ECE1: variants seen among roughly 807,000 people sequenced by gnomAD.
ECE1 encodes endothelin converting enzyme 1, also known as endothelin-converting enzyme 1.
ECE1 carries 35 observed loss-of-function variants against 98.6 expected under a neutral mutation model. The ratio of observed to expected loss-of-function variants is 0.35; its 90% CI spans 0.27 to 0.47. The LOEUF (loss-of-function observed/expected upper bound fraction) is 0.47. ECE1 is among the 20% of genes least tolerant of loss of function. ECE1 has a pLI of 1.00. For synonymous variants in ECE1, 394 were observed against 407.1 expected (o/e 0.97, Z 0.39); for missense variants, 814 against 1,025.3 (o/e 0.79, Z 2.81).
At chr1:21,270,360 A>G (rs1001245345) in intron 4 of ECE1, among the ~76,000 whole-genome samples, 4 of 152,238 alleles carry the variant, frequency 2.6e-5, no homozygotes, top group Non-Finnish European at 4.4e-5. Flanking sequence ...TCAGGCCCTC[A>G]GGCTCTGCGC....
chr1:21,230,245 T>C (rs1234946358), intron 14 of ECE1, among the ~76,000 whole-genome samples: 1 of 152,124 alleles, frequency 6.6e-6, no homozygotes, highest in South Asian at 2.1e-4. Context: ...GATTCCATAG[T>C]GCAATTAACC....
rs869310919 is a variant in ECE1 at position 21,283,276 on chromosome 1, A to AT, written c.139-3945dup. Among the ~76,000 whole-genome samples, 803 of 118,378 alleles carry AT rather than the reference A, an allele frequency of 6.8e-3. 11 individuals carry two copies. The highest frequency in any genetic ancestry group is 0.021 in the African/African-American group (738 of 34,446). 77.7% of individuals were successfully genotyped at this position (118,378 alleles called of 152,430 possible). A position where few individuals can be genotyped will look rare whatever the true frequency, so the allele number is the denominator to read the frequency against. Reference sequence around the variant, plus strand: ...ATTCCTTTTTTTGAATTTTTTTTAAATTTTTTTTTTTTGAGACAGAGTCTC... The same window carrying AT: ...ATTCCTTTTTTTGAATTTTTTTTAAATTTTTTTTTTTTTGAGACAGAGTCTC... On this transcript the variant is annotated intron_variant, in intron 2 of 18. Coordinates refer to ENST00000374893, the MANE Select transcript of ECE1 (RefSeq NM_001397.3).
intron 1 of ECE1, among the ~76,000 whole-genome samples, chr1:21,318,052 G>A (rs1363015590): frequency 2.6e-5 from 4 of 152,254 alleles, no homozygotes; most frequent in Admixed American, 6.5e-5. Flanking sequence ...CGGCATGGAC[G>A]AGGTCCCCTC....
chr1:21,303,479 C>T (rs558317166), intron 1 of ECE1, among the ~76,000 whole-genome samples: 1 of 152,354 alleles, frequency 6.6e-6, no homozygotes, highest in African/African-American at 2.4e-5. Flanking sequence ...ACAAGGATTA[C>T]ATGACTTACT....
intron 3 of ECE1, among the ~76,000 whole-genome samples, chr1:21,276,334 T>A (rs1259173948): frequency 6.6e-6 from 1 of 152,098 alleles, no homozygotes; most frequent in Non-Finnish European, 1.5e-5. Context: ...CCTCAATACG[T>A]GTTTTTGAAT....
At chr1:21,336,346 A>G (rs147265140) in intron 1 of ECE1, among the ~76,000 whole-genome samples, 175 of 152,060 alleles carry the variant, frequency 1.2e-3, no homozygotes, top group African/African-American at 4.0e-3. Context: ...ATGCCACTGT[A>G]CTCCAGCCTG....
At chr1:21,286,035 G>C (rs1163225003) in intron 2 of ECE1, among the ~76,000 whole-genome samples, 6 of 151,240 alleles carry the variant, frequency 4.0e-5, no homozygotes, top group Admixed American at 4.0e-4. Context: ...CCTGTGCAAG[G>C]TGGGAAAAAA....
In ECE1 at chr1:21,298,914, AC is replaced by A. The variant is rs540913486; in HGVS notation, c.4-8759del. The A allele has an allele frequency of 9.3e-4, 424 of 456,106 alleles. 1 individual carries two copies. Among genetic ancestry groups the A allele is most frequent in the Non-Finnish European group, 1.2e-3 (280 of 226,878 alleles). The allele number at this position is 456,106 out of a possible 1,614,324, so 28.3% of individuals were successfully genotyped here. A position where few individuals can be genotyped will look rare whatever the true frequency, so the allele number is the denominator to read the frequency against. ...TCTCCAAGCACAAACTGCAAAGCAGACCAGAAAGCAGCTGGTCCTGACTCCA... is the reference window on the plus strand; with the variant it reads ...TCTCCAAGCACAAACTGCAAAGCAGACAGAAAGCAGCTGGTCCTGACTCCA... On this transcript the variant is annotated intron_variant, in intron 1 of 18. Transcript: ENST00000415912.
At chr1:21,221,721 G>A (rs773509583) in intron 18 of ECE1, 26 bp downstream of exon 18, 3 of 1,607,278 alleles carry the variant, frequency 1.9e-6, no homozygotes, top group Non-Finnish European at 2.6e-6. Flanking sequence ...TGTACCATGT[G>A]TGGCATGTTT....
Position 21,301,452 on chromosome 1 carries a change from G to A in ECE1, c.4-11296C>T, listed in dbSNP as rs537652061. Reference sequence around the variant, plus strand: ...GGAGCCTGCAGTGAGCCGAGATCACGCCACTGCACTCCAGCCTGGGCGACA... The same window carrying A: ...GGAGCCTGCAGTGAGCCGAGATCACACCACTGCACTCCAGCCTGGGCGACA... On this transcript the variant is annotated intron_variant, in intron 1 of 18. Transcript: ENST00000415912. Among the ~76,000 whole-genome samples, 25 of 151,850 alleles carry A rather than the reference G, an allele frequency of 1.6e-4. No homozygotes were observed. The South Asian group carries it at 5.0e-3, about 30-fold the overall frequency.
rs754510012 is a variant in ECE1, at chr1:21,290,174, G to A, written c.52-18C>T. 21 of 1,543,754 alleles carry A rather than the reference G, an allele frequency of 1.4e-5. No homozygotes were observed. Among genetic ancestry groups the A allele is most frequent in the Admixed American group, 1.9e-5 (1 of 51,406 alleles). On this transcript the variant is annotated intron_variant, in intron 1 of 18. Transcript: ENST00000374893. The surrounding 1 kb of genome is among the most constrained non-coding windows in gnomAD (Gnocchi z 7.3). ...GTCGACATCTGCAAGGCCAAATGCA[G>A]CACGGACTCCCTCAGCGCCTCCATG...
intron 10 of ECE1, among the ~76,000 whole-genome samples, chr1:21,241,447 C>T (rs1158308272): frequency 7.2e-6 from 1 of 138,620 alleles, no homozygotes; most frequent in Non-Finnish European, 1.5e-5. Flanking sequence ...TTTTGAGATG[C>T]AGTCTTGCTC....
At chr1:21,247,520 T>C (rs1238224937) in intron 8 of ECE1, among the ~76,000 whole-genome samples, 157 bp from the exon 9 acceptor site, 1 of 152,158 alleles carries the variant, frequency 6.6e-6, no homozygotes, top group Non-Finnish European at 1.5e-5. Context: ...TGGCGGGCTT[T>C]TGTCAGAGAT....
intron 1 of ECE1, among the ~76,000 whole-genome samples, chr1:21,313,896 G>A (rs1279716533): frequency 6.6e-6 from 1 of 152,052 alleles, no homozygotes; most frequent in Non-Finnish European, 1.5e-5. Flanking sequence ...CCGGCTCACG[G>A]AGAACGGGTA....
chr1:21,258,778 A>T lies in ECE1; in HGVS notation c.677T>A (p.Val226Glu). The T allele has an allele frequency of 6.2e-7, 1 of 1,614,148 alleles. No homozygotes were observed. The highest frequency in any genetic ancestry group is 8.5e-7 in the Non-Finnish European group (1 of 1,180,032). Residue 226 changes from valine to glutamate, a missense_variant, in exon 6 of 19, where the codon GTG (valine) becomes GAG (glutamate). Transcript: ENST00000374893. The surrounding 1 kb of genome is among the most constrained non-coding windows in gnomAD (Gnocchi z 4.2). ...AKDNFQDTLQ[V>E]VTAHYRTSPF... ...TGAGGTGCGGTAGTGGGCGGTGACCACCTGCAGGGTGTCCTGGAAGTTGTC... is the reference window on the plus strand; with the variant it reads ...TGAGGTGCGGTAGTGGGCGGTGACCTCCTGCAGGGTGTCCTGGAAGTTGTC...
At chr1:21,273,338 CGTGTGTGCGTGT>C (rs1256024020) in intron 3 of ECE1, among the ~76,000 whole-genome samples, 10 of 122,230 alleles carry the variant, frequency 8.2e-5, no homozygotes, top group East Asian at 2.8e-4. Context: ...TGTGCCCGTG[CGTGTGTGCGTGT>C]GTGTGTGTGT....
At chr1:21,281,228 G>A (rs991285736) in intron 2 of ECE1, among the ~76,000 whole-genome samples, 17 of 147,676 alleles carry the variant, frequency 1.2e-4, no homozygotes, top group African/African-American at 4.5e-4. Flanking sequence ...AAACAAAACT[G>A]AGCAAAGGAT....
chr1:21,279,018 C>G (rs1412399854), intron 3 of ECE1, among the ~76,000 whole-genome samples, 173 bp downstream of exon 3: 1 of 152,160 alleles, frequency 6.6e-6, no homozygotes, highest in East Asian at 1.9e-4. Flanking sequence ...ATCACCCACG[C>G]TGCCCACTTC....
intron 10 of ECE1, 139 bp from the exon 11 acceptor site, chr1:21,238,383 T>C (rs2103244437): frequency 2.7e-6 from 2 of 734,110 alleles, no homozygotes; most frequent in East Asian, 5.4e-5. Context: ...AGTAAAGTTA[T>C]TTTAGTCACC....
Sources: gnomAD v4.1 joint callset for allele counts (sites outside exome capture counted in the v4.1 genomes callset) on GRCh38, gnomAD v4.1.1 for gene constraint, Gnocchi (gnomAD v3.1) non-coding constraint, MANE v1.5 for transcripts, NCBI Gene and HGNC (gene_info 2026-07-23, HGNC 2026-07-21) for gene names.